Variants in ZNF710 observed in about 807,000 individuals in gnomAD.
The protein encoded by ZNF710 is zinc finger protein 710.
A neutral mutation model predicts 50.6 loss-of-function variants in ZNF710; 13 were observed. The observed-to-expected ratio is 0.26, with a 90% CI of 0.17 to 0.41. The LOEUF (loss-of-function observed/expected upper bound fraction) is 0.41, where lower values mean the gene tolerates loss of function less well. ZNF710 is among the 10% of genes least tolerant of loss of function. The probability of loss-of-function intolerance (pLI) is 1.00; values close to 1 mark genes in which losing one functional copy is unlikely to be tolerated. For missense variants in ZNF710, 721 were observed against 936.6 expected (o/e 0.77, Z 3.01); for synonymous variants, 383 against 397.0 (o/e 0.96, Z 0.42).
At chr15:90,077,611 G>A (rs970598799) in intron 4 of ZNF710, among the ~76,000 whole-genome samples, 2 of 152,130 alleles carry the variant, frequency 1.3e-5, no homozygotes, top group Non-Finnish European at 2.9e-5. Context: ...CACTAGGACT[G>A]AGGGAAGAAA....
chr15:90,046,258 C>T (rs1336228424), intron 1 of ZNF710, among the ~76,000 whole-genome samples: 1 of 152,230 alleles, frequency 6.6e-6, no homozygotes. Flanking sequence ...TGCCCTTCCT[C>T]CTGCGTACCC....
intron 1 of ZNF710, among the ~76,000 whole-genome samples, chr15:90,015,504 G>T (rs1399975196): frequency 6.6e-6 from 1 of 152,112 alleles, no homozygotes; most frequent in Non-Finnish European, 1.5e-5. Flanking sequence ...TTGCATCATT[G>T]CTTGTAAAAG....
chr15:89,998,999 C>G (rs914592057), upstream of ZNF710, among the ~76,000 whole-genome samples: 1 of 152,180 alleles, frequency 6.6e-6, no homozygotes, highest in African/African-American at 2.4e-5. Flanking sequence ...TGTGCTCTAT[C>G]CTCACTCTCC....
intron 1 of ZNF710, among the ~76,000 whole-genome samples, chr15:90,020,494 G>A (rs1342331765): frequency 6.6e-6 from 1 of 151,916 alleles, no homozygotes; most frequent in Non-Finnish European, 1.5e-5. Context: ...CCCCGCCCCC[G>A]GGGAGACACA....
At chr15:90,004,059 T>C (rs2151455171) in intron 1 of ZNF710, among the ~76,000 whole-genome samples, 1 of 152,288 alleles carries the variant, frequency 6.6e-6, no homozygotes, top group South Asian at 2.1e-4. Context: ...GGGTGAGTCC[T>C]CAGCCCACGG....
intron 1 of ZNF710, among the ~76,000 whole-genome samples, chr15:90,052,577 C>T (rs573602571): frequency 1.3e-5 from 2 of 152,254 alleles, no homozygotes; most frequent in South Asian, 2.1e-4. Flanking sequence ...GGCTCTGTGA[C>T]GTAGACAAAT....
intron 1 of ZNF710, among the ~76,000 whole-genome samples, chr15:90,042,227 C>G (rs114185054): frequency 2.8e-4 from 42 of 152,194 alleles, no homozygotes; most frequent in Admixed American, 1.4e-3. Context: ...CCATGCCCCC[C>G]CTTCTCTCCA....
rs373701825 is a variant in ZNF710 at position 90,068,497 on chromosome 15, A to G, written c.1360A>G (p.Met454Val). 2.5e-6 allele frequency: 4 copies of G among 1,613,806 alleles called. No individual in the cohort carries two copies. The highest frequency in any genetic ancestry group is 1.3e-5 in the African/African-American group (1 of 74,936). The change falls in exon 2 of 5, where the codon ATG becomes GTG. Residue 454 changes from methionine to valine, a missense_variant. By Grantham distance (21) the Met-to-Val change is conservative (BLOSUM62 1). Transcript: ENST00000268154. The surrounding 1 kb of genome is among the most constrained non-coding windows in gnomAD (Gnocchi z 5.0). ...CTACCGCAGCCAGTTGCAGAACCAC[A>G]TGCTCAAGCACCAGAACGTGCGACC... ...FHYRSQLQNH[M>V]LKHQNVRPFV... is the part of the protein sequence containing the mutation.
At chr15:90,045,644 G>A (rs1899436759) in intron 1 of ZNF710, among the ~76,000 whole-genome samples, 1 of 152,136 alleles carries the variant, frequency 6.6e-6, no homozygotes, top group Non-Finnish European at 1.5e-5. Context: ...CCTGTGTTTG[G>A]CAAAGGGCTG....
At chr15:90,064,173 G>A (rs369891484) in intron 1 of ZNF710, among the ~76,000 whole-genome samples, 3 of 152,234 alleles carry the variant, frequency 2.0e-5, no homozygotes, top group Non-Finnish European at 2.9e-5. Flanking sequence ...GGACTGTCGC[G>A]ACAGGAGGCA....
chr15:90,012,979 T>C (rs944692165), intron 1 of ZNF710, among the ~76,000 whole-genome samples: 2 of 152,248 alleles, frequency 1.3e-5, no homozygotes, highest in African/African-American at 4.8e-5. Context: ...CTGTATCCAA[T>C]AAATCTAATA....
intron 1 of ZNF710, among the ~76,000 whole-genome samples, chr15:90,017,873 A>T (rs935850761): frequency 6.6e-5 from 10 of 152,054 alleles, no homozygotes; most frequent in African/African-American, 2.4e-4. Context: ...CAACATTGAG[A>T]CACCTCCCCA....
intron 1 of ZNF710, among the ~76,000 whole-genome samples, chr15:90,042,842 T>C (rs1899340174): frequency 6.6e-6 from 1 of 152,216 alleles, no homozygotes; most frequent in Admixed American, 6.5e-5. Flanking sequence ...AGGGCACGTA[T>C]ATTGCACCCA....
At chr15:90,072,370 C>T (rs935482335) in intron 2 of ZNF710, among the ~76,000 whole-genome samples, 18 of 152,246 alleles carry the variant, frequency 1.2e-4, no homozygotes, top group South Asian at 2.1e-4. Flanking sequence ...CTCCAGGGAG[C>T]GGCCTGCAAG....
upstream of ZNF710, among the ~76,000 whole-genome samples, chr15:89,999,658 G>C (rs1442603808): frequency 6.6e-6 from 1 of 151,840 alleles, no homozygotes; most frequent in African/African-American, 2.4e-5. Context: ...CCAGGAGCTG[G>C]TTTAGGGTGG....
chr15:90,013,323 G>A (rs1222448020), intron 1 of ZNF710, among the ~76,000 whole-genome samples: 4 of 152,150 alleles, frequency 2.6e-5, no homozygotes, highest in African/African-American at 7.2e-5. Context: ...GGCTGGTCTC[G>A]GACTTCTGAC....
chr15:90,018,484 G>A (rs1413635482), intron 1 of ZNF710, among the ~76,000 whole-genome samples: 1 of 152,072 alleles, frequency 6.6e-6, no homozygotes. Flanking sequence ...TTCCTACCGT[G>A]GTTGTAAAAA....
At chr15:90,010,151 C>T (rs1235536311) in intron 1 of ZNF710, among the ~76,000 whole-genome samples, 1 of 152,188 alleles carries the variant, frequency 6.6e-6, no homozygotes, top group Non-Finnish European at 1.5e-5. Context: ...GTATAGGACT[C>T]TTGGCCTATG....
At chr15:90,045,035 T>TA (rs1899417502) in intron 1 of ZNF710, among the ~76,000 whole-genome samples, 1 of 152,134 alleles carries the variant, frequency 6.6e-6, no homozygotes, top group Non-Finnish European at 1.5e-5. Flanking sequence ...CTACACAACC[T>TA]ACAAAACCTT....
Sources: allele counts gnomAD v4.1 joint callset (sites outside exome capture counted in the v4.1 genomes callset), GRCh38; gene constraint gnomAD v4.1.1; non-coding constraint Gnocchi (gnomAD v3.1); transcripts MANE v1.5; gene names NCBI Gene and HGNC (gene_info 2026-07-23, HGNC 2026-07-21).